ABL2: variants seen among roughly 807,000 people sequenced by gnomAD.
ABL2 encodes the protein ABL proto-oncogene 2, non-receptor tyrosine kinase, also known as tyrosine-protein kinase ABL2.
A neutral mutation model predicts 107.7 loss-of-function variants in ABL2; 49 were observed. The ratio of observed to expected loss-of-function variants is 0.45; its 90% CI spans 0.36 to 0.58. The LOEUF (loss-of-function observed/expected upper bound fraction) is 0.58. ABL2 is among the 20% of genes least tolerant of loss of function. The pLI, the probability that ABL2 is intolerant of heterozygous loss-of-function variation, is 0.00. For synonymous variants in ABL2, 549 were observed against 548.6 expected (o/e 1.00, Z -0.01); for missense variants, 1,245 against 1,457.0 (o/e 0.85, Z 2.37).
At chr1:179,222,888 A>G (rs1030550526) in intron 1 of ABL2, among the ~76,000 whole-genome samples, 18 of 151,928 alleles carry the variant, frequency 1.2e-4, no homozygotes, top group African/African-American at 4.3e-4. Context: ...AGGTGGGCGG[A>G]TCATTTGAGG....
At chr1:179,167,559 A>G (rs561171825) in intron 1 of ABL2, among the ~76,000 whole-genome samples, 1 of 152,348 alleles carries the variant, frequency 6.6e-6, no homozygotes, top group African/African-American at 2.4e-5. Context: ...AGGTAGCTAG[A>G]AAAGAGGATC....
intron 1 of ABL2, among the ~76,000 whole-genome samples, chr1:179,193,620 A>G (rs1483247381): frequency 5.3e-5 from 8 of 152,048 alleles, no homozygotes; most frequent in Admixed American, 3.9e-4. Context: ...TCACCAAGCT[A>G]GTCTTGAACT....
chr1:179,199,198 T>G lies in ABL2; in HGVS notation c.157+30043A>C, dbSNP rs569363372. On this transcript the variant is annotated intron_variant, in intron 1 of 11. Transcript: ENST00000502732. ...TGATGAGGGAATGAGGTTGGATGTG[T>G]TTAAATCAGTTATTGAAACCTACTA... 2.6e-5 allele frequency among the ~76,000 whole-genome samples: 4 copies of G among 152,282 alleles called. No homozygotes were observed. The East Asian group carries it at 7.7e-4, about 29-fold the overall frequency.
At chr1:179,197,027 T>C (rs1311656362) in intron 1 of ABL2, among the ~76,000 whole-genome samples, 1 of 152,142 alleles carries the variant, frequency 6.6e-6, no homozygotes, top group Non-Finnish European at 1.5e-5. Context: ...AAAAATTGAA[T>C]ATATCAAACA....
intron 4 of ABL2, among the ~76,000 whole-genome samples, chr1:179,124,464 C>CCTTTTT (rs1553218292): frequency 1.2e-5 from 1 of 83,348 alleles, no homozygotes; most frequent in African/African-American, 5.3e-5. Flanking sequence ...TTAGCTTCTG[C>CCTTTTT]TTTTTTTTTT....
intron 1 of ABL2, chr1:179,184,650 T>A: frequency 2.0e-6 from 1 of 500,262 alleles, no homozygotes; most frequent in South Asian, 2.1e-5. Flanking sequence ...ATGATGATGA[T>A]GATAAAGGGA....
intron 1 of ABL2, among the ~76,000 whole-genome samples, chr1:179,149,342 TGAGATTTAAGGAAAA>T (rs1199830485): frequency 6.6e-6 from 1 of 152,218 alleles, no homozygotes; most frequent in African/African-American, 2.4e-5. Flanking sequence ...GGTTGGTTCA[TGAGATTTAAGGAAAA>T]GAAGCCATGT....
Position 179,131,454 on chromosome 1 carries a change from T to A in ABL2, c.248A>T (p.Asp83Val). Residue 83 changes from aspartate (D) to valine (V), a missense_variant, in exon 3 of 12, where the codon GAT (aspartate) becomes GTT (valine). Around this residue, in one of 3 missense-constraint regions of ABL2, gnomAD observed 164 missense variants for 143.7 expected, o/e 1.14. Coordinates refer to ENST00000502732, the MANE Select transcript of ABL2 (RefSeq NM_007314.4). ...CTCATTTAGTGCCTGGGGTTCAACA[T>A]CACAACCATAGGGACGATGCAAAGC... ...PEALHRPYGC[D>V]VEPQALNEAI... 1.2e-6 allele frequency: 2 copies of A among 1,613,966 alleles called. No homozygotes were observed. Among genetic ancestry groups the A allele is most frequent in the Non-Finnish European group, 1.7e-6 (2 of 1,179,940 alleles).
chr1:179,215,096 G>A (rs1662487336), intron 1 of ABL2, among the ~76,000 whole-genome samples: 1 of 151,788 alleles, frequency 6.6e-6, no homozygotes, highest in South Asian at 2.1e-4. Context: ...GGAGGTGGAG[G>A]TTGCAATGAG....
intron 1 of ABL2, among the ~76,000 whole-genome samples, chr1:179,174,632 C>T (rs1003112253): frequency 1.3e-5 from 2 of 151,758 alleles, no homozygotes; most frequent in African/African-American, 4.8e-5. Flanking sequence ...AAACCTTCTA[C>T]AACTTTTTTA....
chr1:179,190,592 A>G (rs1046497203), intron 1 of ABL2, among the ~76,000 whole-genome samples: 2 of 151,902 alleles, frequency 1.3e-5, no homozygotes, highest in Non-Finnish European at 2.9e-5. Context: ...CTCCACAGAG[A>G]CGTGGGGGGT....
intron 1 of ABL2, among the ~76,000 whole-genome samples, chr1:179,140,060 T>C (rs150098096): frequency 2.6e-5 from 4 of 152,304 alleles, no homozygotes; most frequent in East Asian, 3.9e-4. Flanking sequence ...ATACCAGCCA[T>C]CTTTCAGAGC....
intron 1 of ABL2, among the ~76,000 whole-genome samples, chr1:179,147,023 C>G (rs535393746): frequency 4.0e-5 from 6 of 151,426 alleles, no homozygotes; most frequent in Non-Finnish European, 8.8e-5. Flanking sequence ...GATCACAGCA[C>G]TGCACTCCAG....
At chr1:179,189,990 T>C (rs1660906354) in intron 1 of ABL2, among the ~76,000 whole-genome samples, 3 of 152,100 alleles carry the variant, frequency 2.0e-5, no homozygotes, top group African/African-American at 7.2e-5. Context: ...CGGGCTAATT[T>C]TGTATTTTTA....
At chr1:179,160,876 T>C (rs921823018) in intron 1 of ABL2, among the ~76,000 whole-genome samples, 5 of 152,150 alleles carry the variant, frequency 3.3e-5, no homozygotes, top group Non-Finnish European at 5.9e-5. Flanking sequence ...GAGATACCAC[T>C]ACAAGCACAA....
intron 1 of ABL2, among the ~76,000 whole-genome samples, chr1:179,186,506 A>G (rs3122376): frequency 0.44 from 66,738 of 150,824 alleles, 14,915 homozygotes; most frequent in Admixed American, 0.51. Flanking sequence ...AGCCTCCCAA[A>G]TAGCTGGGAT....
Position 179,109,318 on chromosome 1 carries a change from C to T in ABL2, c.1949G>A (p.Gly650Glu). ...CTTCATGAAGGAGCTGAAGAAGCCC[C>T]CCTTCCTATCCCTGGTGAAGCATGT... ...KETCFTRDRK[G>E]GFFSSFMKKR... The change falls in exon 12 of 12, where the codon GGG (glycine) becomes GAG (glutamate). Residue 650 changes from glycine to glutamate, a missense_variant. Gly to Glu is a moderately conservative substitution (Grantham distance 98). Transcript: ENST00000502732. The T allele has an allele frequency of 6.2e-7, 1 of 1,614,040 alleles. No homozygotes were observed. The highest frequency in any genetic ancestry group is 1.1e-5 in the South Asian group (1 of 91,058).
intron 1 of ABL2, chr1:179,143,052 C>A: frequency 6.2e-7 from 1 of 1,613,334 alleles, no homozygotes; most frequent in Non-Finnish European, 8.5e-7. Context: ...CATACCTCTG[C>A]CCAGAAGCAC....
intron 6 of ABL2, among the ~76,000 whole-genome samples, chr1:179,119,937 C>A (rs969244176): frequency 6.6e-6 from 1 of 151,996 alleles, no homozygotes; most frequent in African/African-American, 2.4e-5. Flanking sequence ...TGGATTCAAA[C>A]CTGCAGCTTC....
Sources: gnomAD v4.1 joint callset for allele counts (sites outside exome capture counted in the v4.1 genomes callset) on GRCh38, gnomAD v4.1.1 for gene constraint, gnomAD v4.1.1 regional missense constraint, MANE v1.5 for transcripts, NCBI Gene and HGNC (gene_info 2026-07-23, HGNC 2026-07-21) for gene names.